Variants in CCSER1 observed in about 807,000 individuals in gnomAD.
CCSER1 encodes the protein serine-rich coiled-coil domain-containing protein 1.
Under a neutral mutation model 82.0 loss-of-function variants are expected in CCSER1, and 41 were observed. The observed-to-expected ratio is 0.50, with a 90% CI of 0.39 to 0.65. The LOEUF (loss-of-function observed/expected upper bound fraction) is 0.65. Among genes scored for constraint, CCSER1 ranks in the 30% least tolerant of loss-of-function variants. The probability of loss-of-function intolerance (pLI) is 0.00; values close to 1 mark genes in which losing one functional copy is unlikely to be tolerated. For missense variants in CCSER1, 1,119 were observed against 1,064.2 expected, an observed-to-expected ratio of 1.05 and a Z score of -0.72; for synonymous variants, 414 against 383.9, an observed-to-expected ratio of 1.08 and a Z score of -0.92.
At chr4:90,745,678 CTTTTTTTTTT>C (rs537380046) in intron 7 of CCSER1, among the ~76,000 whole-genome samples, 10 of 72,236 alleles carry the variant, frequency 1.4e-4, no homozygotes, top group African/African-American at 3.5e-4. Context: ...TTTCTTTTAT[CTTTTTTTTTT>C]TTTTTTTTTT....
chr4:90,614,526 A>G (rs1371021971), intron 5 of CCSER1, among the ~76,000 whole-genome samples: 1 of 152,176 alleles, frequency 6.6e-6, no homozygotes, highest in African/African-American at 2.4e-5. Context: ...CAGGAATTAT[A>G]AGAAAATAAA....
In CCSER1 at chr4:90,525,308, A is replaced by C. The variant is rs982929341; in HGVS notation, c.1724+56954A>C. On this transcript the variant is annotated intron_variant, in intron 5 of 10. Coordinates refer to ENST00000509176, the MANE Select transcript of CCSER1 (RefSeq NM_001145065.2). Reference sequence around the variant, plus strand: ...CTGAAAATGTTTTTCTGTAATATAAACGATAGCCAAATGCCTTGGAGAATA... The same window carrying C: ...CTGAAAATGTTTTTCTGTAATATAACCGATAGCCAAATGCCTTGGAGAATA... Among the ~76,000 whole-genome samples the C allele has an allele frequency of 2.0e-5, 3 of 152,094 alleles. No individual in the cohort carries two copies. The East Asian group carries it at 5.8e-4, about 29-fold the overall frequency.
At chr4:90,585,256 A>G (rs1158297059) in intron 5 of CCSER1, among the ~76,000 whole-genome samples, 1 of 152,210 alleles carries the variant, frequency 6.6e-6, no homozygotes, top group Non-Finnish European at 1.5e-5. Context: ...TGAAACAGGT[A>G]TCCTGGCTGG....
At chr4:91,153,654 G>T (rs1244751034) in intron 10 of CCSER1, among the ~76,000 whole-genome samples, 1 of 151,740 alleles carries the variant, frequency 6.6e-6, no homozygotes, top group African/African-American at 2.4e-5. Flanking sequence ...TCTACCATTG[G>T]TCTTTGATGA....
intron 3 of CCSER1, among the ~76,000 whole-genome samples, chr4:90,372,664 C>T (rs918599392): frequency 7.2e-5 from 11 of 152,070 alleles, no homozygotes; most frequent in Admixed American, 2.6e-4. Context: ...GCAGGAGAAT[C>T]GCTTGAACCT....
At chr4:90,858,235 T>C (rs1413819344) in intron 8 of CCSER1, among the ~76,000 whole-genome samples, 1 of 152,032 alleles carries the variant, frequency 6.6e-6, no homozygotes. Context: ...CTTCAAATAG[T>C]AGTTATTCCT....
chr4:90,716,536 G>A (rs1420693709), intron 6 of CCSER1, among the ~76,000 whole-genome samples: 1 of 152,050 alleles, frequency 6.6e-6, no homozygotes, highest in South Asian at 2.1e-4. Context: ...CTCAATCATA[G>A]TGCTTATTCC....
At chr4:90,923,639 C>G in intron 9 of CCSER1, 192 bp downstream of exon 9, 1 of 480,410 alleles carries the variant, frequency 2.1e-6, no homozygotes. Context: ...CACCAACTGG[C>G]ATACCAATGC....
At chr4:91,029,074 T>C (rs1740741494) in intron 9 of CCSER1, among the ~76,000 whole-genome samples, 1 of 151,968 alleles carries the variant, frequency 6.6e-6, no homozygotes. Flanking sequence ...ATTGAATAAA[T>C]TCAAAACAAG....
chr4:91,514,106 T>C (rs1295142296), intron 10 of CCSER1, among the ~76,000 whole-genome samples: 1 of 152,222 alleles, frequency 6.6e-6, no homozygotes, highest in Non-Finnish European at 1.5e-5. Context: ...CTATAAACTT[T>C]CCTGTCAACA....
intron 9 of CCSER1, among the ~76,000 whole-genome samples, chr4:91,024,135 G>C (rs932233658): frequency 6.6e-6 from 1 of 152,048 alleles, no homozygotes; most frequent in African/African-American, 2.4e-5. Flanking sequence ...ATCCATTCAT[G>C]AGGGCAGAGC....
chr4:90,231,381 T>C (rs1287933365), intron 1 of CCSER1, among the ~76,000 whole-genome samples: 1 of 151,784 alleles, frequency 6.6e-6, no homozygotes, highest in Non-Finnish European at 1.5e-5. Flanking sequence ...CACATGATTA[T>C]CTCAATAGAT....
chr4:90,427,858 C>T (rs367967135), intron 4 of CCSER1, among the ~76,000 whole-genome samples: 4 of 151,698 alleles, frequency 2.6e-5, no homozygotes, highest in African/African-American at 7.2e-5. Flanking sequence ...GATTAGAATG[C>T]AATGTTATTC....
intron 10 of CCSER1, among the ~76,000 whole-genome samples, chr4:91,086,878 G>C (rs536924728): frequency 1.3e-5 from 2 of 151,952 alleles, no homozygotes; most frequent in Non-Finnish European, 2.9e-5. Context: ...CATTTTCTCA[G>C]ATATTTTCCA....
intron 10 of CCSER1, among the ~76,000 whole-genome samples, chr4:91,409,769 G>GCCTC (rs1384450666): frequency 2.6e-5 from 4 of 152,036 alleles, no homozygotes; most frequent in Admixed American, 6.6e-5. Context: ...TGAAATCTCT[G>GCCTC]CCTCCTGGGT....
intron 9 of CCSER1, among the ~76,000 whole-genome samples, chr4:91,002,458 T>A (rs752564738): frequency 1.3e-5 from 2 of 152,146 alleles, no homozygotes; most frequent in Non-Finnish European, 2.9e-5. Context: ...TTCTTATTCT[T>A]TTTTCTTTGT....
chr4:90,413,865 C>T (rs1407700289), intron 4 of CCSER1, among the ~76,000 whole-genome samples: 1 of 138,844 alleles, frequency 7.2e-6, no homozygotes, highest in African/African-American at 2.7e-5. Context: ...AGGAGAATGG[C>T]GTGAACCCGG....
chr4:90,873,968 A>G (rs528254952), intron 8 of CCSER1, among the ~76,000 whole-genome samples: 2 of 152,244 alleles, frequency 1.3e-5, no homozygotes, highest in South Asian at 2.1e-4. Flanking sequence ...ACAGTTGCAT[A>G]TGGTACGGTA....
rs564996057 is a variant in CCSER1 at position 90,201,781 on chromosome 4, G to A, written c.-42+73950G>A. On this transcript the variant is annotated intron_variant, in intron 1 of 10. Transcript: ENST00000509176. Reference sequence around the variant, plus strand: ...TATAGTATATGCAACACTTGTTCTGGGTCATGAAAGTTGTGTAGAATTTGT... The same window carrying A: ...TATAGTATATGCAACACTTGTTCTGAGTCATGAAAGTTGTGTAGAATTTGT... 2.0e-5 allele frequency among the ~76,000 whole-genome samples: 3 copies of A among 152,110 alleles called. No homozygotes were observed. In the South Asian group the frequency reaches 6.2e-4, roughly 32 times the overall value.
Sources: allele counts gnomAD v4.1 joint callset (sites outside exome capture counted in the v4.1 genomes callset), GRCh38; gene constraint gnomAD v4.1.1; transcripts MANE v1.5; gene names NCBI Gene and HGNC (gene_info 2026-07-23, HGNC 2026-07-21).